Variants in SHANK2 observed in about 807,000 individuals in gnomAD.
SHANK2 encodes SH3 and multiple ankyrin repeat domains protein 2.
In SHANK2, 43 loss-of-function variants were observed where a neutral mutation model predicts 133.7. The observed-to-expected ratio is 0.32, with a 90% confidence interval of 0.25 to 0.41. The LOEUF (loss-of-function observed/expected upper bound fraction) is 0.41. Among genes scored for constraint, SHANK2 ranks in the 10% least tolerant of loss-of-function variants. The pLI is 1.00. For missense variants in SHANK2, 1,994 were observed against 2,235.8 expected, an observed-to-expected ratio of 0.89 and a Z score of 2.18; for synonymous variants, 1,017 against 952.8, an observed-to-expected ratio of 1.07 and a Z score of -1.24.
rs116571660 is a variant in SHANK2, at chr11:71,213,842, G to A, written c.-13+10855C>T. On this transcript the variant is annotated intron_variant, in intron 2 of 25. Coordinates refer to ENST00000601538, the MANE Select transcript of SHANK2 (RefSeq NM_012309.5). Reference sequence around the variant, plus strand: ...GTCTTAGGACGTTTTGACATCTAGGGGAGCCTCGCAGACACTGGGAGAGAC... The same window carrying A: ...GTCTTAGGACGTTTTGACATCTAGGAGAGCCTCGCAGACACTGGGAGAGAC... Among the ~76,000 whole-genome samples, 740 of 152,248 alleles carry A rather than the reference G, an allele frequency of 4.9e-3. 4 individuals carry two copies. The highest frequency in any genetic ancestry group is 0.017 in the African/African-American group (705 of 41,544).
chr11:71,221,775 G>A (rs533548081), intron 2 of SHANK2, among the ~76,000 whole-genome samples: 4 of 152,252 alleles, frequency 2.6e-5, no homozygotes, highest in East Asian at 1.9e-4. Context: ...GGAGGTGATC[G>A]GTAGACAAGG....
intron 17 of SHANK2, among the ~76,000 whole-genome samples, chr11:70,554,917 A>C (rs1554979154): frequency 3.3e-5 from 1 of 30,524 alleles, no homozygotes; most frequent in African/African-American, 9.3e-5. Context: ...TTTTTTTTTA[A>C]CAAATCGAAG....
intron 14 of SHANK2, among the ~76,000 whole-genome samples, chr11:70,741,231 GCATCCATC>G (rs61208287): frequency 0.053 from 7,647 of 143,228 alleles, 306 homozygotes; most frequent in Non-Finnish European, 0.063. Context: ...ATTTAACCAT[GCATCCATC>G]CATCCATCCA....
intron 12 of SHANK2, among the ~76,000 whole-genome samples, chr11:70,808,579 A>AG (rs1948213192): frequency 2.0e-5 from 3 of 151,440 alleles, no homozygotes; most frequent in East Asian, 1.9e-4. Flanking sequence ...AAAAAAAAAA[A>AG]AAAAAATTGG....
chr11:70,742,290 G>T (rs570007128), intron 14 of SHANK2, among the ~76,000 whole-genome samples: 4 of 152,146 alleles, frequency 2.6e-5, no homozygotes, highest in Admixed American at 2.6e-4. Flanking sequence ...GGACTGTTGC[G>T]CACTCTGGGA....
chr11:70,701,595 G>A (rs1386934837), intron 14 of SHANK2, among the ~76,000 whole-genome samples: 19 of 151,800 alleles, frequency 1.3e-4, no homozygotes, highest in African/African-American at 3.9e-4. Context: ...TCGTAGAGAC[G>A]GGGTTTCACC....
At chr11:70,842,337 G>A (rs1948920447) in intron 11 of SHANK2, among the ~76,000 whole-genome samples, 1 of 152,204 alleles carries the variant, frequency 6.6e-6, no homozygotes, top group South Asian at 2.1e-4. Flanking sequence ...GGTGGCTCCA[G>A]ACCTTTCTGC....
chr11:70,506,286 T>C (rs1591516938), intron 17 of SHANK2, among the ~76,000 whole-genome samples: 1 of 152,302 alleles, frequency 6.6e-6, no homozygotes, highest in African/African-American at 2.4e-5. Flanking sequence ...CTGCCCAGAT[T>C]TGATGTCTCA....
At chr11:70,582,713 G>T (rs2060199701) in intron 17 of SHANK2, among the ~76,000 whole-genome samples, 1 of 152,226 alleles carries the variant, frequency 6.6e-6, no homozygotes, top group Non-Finnish European at 1.5e-5. Context: ...AGAGATGACA[G>T]CCGAAAACAC....
At chr11:70,861,430 A>G (rs896609946) in intron 11 of SHANK2, among the ~76,000 whole-genome samples, 4 of 152,206 alleles carry the variant, frequency 2.6e-5, no homozygotes, top group Non-Finnish European at 5.9e-5. Flanking sequence ...GCTCTAAAAT[A>G]AGAGGCAGAA....
intron 10 of SHANK2, chr11:70,952,827 G>C: frequency 2.5e-6 from 1 of 406,850 alleles, no homozygotes; most frequent in Non-Finnish European, 5.1e-6. Flanking sequence ...TGTGGCTGTG[G>C]GAACAAATGA....
chr11:71,138,215 C>T (rs183034136), intron 3 of SHANK2, among the ~76,000 whole-genome samples: 201 of 151,712 alleles, frequency 1.3e-3, no homozygotes, highest in Non-Finnish European at 1.6e-3. Flanking sequence ...CGGTAACTAA[C>T]CACCCCTGCA....
chr11:70,869,044 G>A (rs1378398753), intron 11 of SHANK2, among the ~76,000 whole-genome samples: 2 of 152,182 alleles, frequency 1.3e-5, no homozygotes, highest in African/African-American at 4.8e-5. Context: ...AGATGGGGCA[G>A]GTCCTAAATC....
chr11:70,868,229 GAC>G (rs372830702), intron 11 of SHANK2, among the ~76,000 whole-genome samples: 111 of 152,284 alleles, frequency 7.3e-4, no homozygotes, highest in African/African-American at 2.5e-3. Context: ...GGGTCGCATA[GAC>G]ACAGAGGCTG....
At chr11:71,095,280 C>T (rs1285876097) in intron 6 of SHANK2, among the ~76,000 whole-genome samples, 2 of 152,196 alleles carry the variant, frequency 1.3e-5, no homozygotes, top group East Asian at 1.9e-4. Context: ...CAGAAGGATG[C>T]CGTCTGCCTT....
intron 14 of SHANK2, among the ~76,000 whole-genome samples, chr11:70,711,148 G>A (rs1467027779): frequency 6.6e-6 from 1 of 152,154 alleles, no homozygotes; most frequent in East Asian, 1.9e-4. Context: ...GTGGGCTCTG[G>A]GGCGGGGTGG....
At chr11:70,769,412 C>T (rs782124449) in intron 14 of SHANK2, among the ~76,000 whole-genome samples, 2 of 152,192 alleles carry the variant, frequency 1.3e-5, no homozygotes, top group African/African-American at 2.4e-5. Flanking sequence ...GCTTCAGGAA[C>T]AACAAATAGG....
At chr11:70,493,161 GTTTT>G (rs1170084507) in intron 21 of SHANK2, among the ~76,000 whole-genome samples, 2 of 141,970 alleles carry the variant, frequency 1.4e-5, no homozygotes, top group South Asian at 2.3e-4. Flanking sequence ...ACTTTTTGAA[GTTTT>G]TTTTTTTGTT....
intron 14 of SHANK2, among the ~76,000 whole-genome samples, chr11:70,756,875 T>C (rs540929544): frequency 4.6e-5 from 7 of 152,114 alleles, no homozygotes; most frequent in Non-Finnish European, 1.0e-4. Flanking sequence ...CAGCACAGAA[T>C]GTTACAAAAG....
Sources: gnomAD v4.1 joint callset for allele counts (sites outside exome capture counted in the v4.1 genomes callset) on GRCh38, gnomAD v4.1.1 for gene constraint, MANE v1.5 for transcripts, NCBI Gene and HGNC (gene_info 2026-07-23, HGNC 2026-07-21) for gene names.